ADGRL2: variants seen among roughly 807,000 people sequenced by gnomAD.
The protein encoded by ADGRL2 is calcium-independent alpha-latrotoxin receptor 2.
ADGRL2 carries 44 observed loss-of-function variants against 157.4 expected under a neutral mutation model. The ratio of observed to expected loss-of-function variants is 0.28; its 90% CI spans 0.22 to 0.36. ADGRL2 has a LOEUF of 0.36. ADGRL2 is among the 10% of genes least tolerant of loss of function. The probability of loss-of-function intolerance (pLI) is 1.00; values close to 1 mark genes in which losing one functional copy is unlikely to be tolerated. For synonymous variants in ADGRL2, 585 were observed against 624.7 expected, an observed-to-expected ratio of 0.94 and a Z score of 0.95; for missense variants, 1,510 against 1,768.9, an observed-to-expected ratio of 0.85 and a Z score of 2.63.
At chr1:81,826,008 G>A (rs1465697764) in intron 1 of ADGRL2, among the ~76,000 whole-genome samples, 1 of 152,126 alleles carries the variant, frequency 6.6e-6, no homozygotes, top group African/African-American at 2.4e-5. Flanking sequence ...AGAATCAATA[G>A]AACAGTGAAT....
At chr1:81,890,074 A>G (rs2094221419) in intron 2 of ADGRL2, among the ~76,000 whole-genome samples, 1 of 152,210 alleles carries the variant, frequency 6.6e-6, no homozygotes, top group African/African-American at 2.4e-5. Context: ...TACGAGCACT[A>G]ACTTGTCATC....
chr1:81,704,530 A>G (rs546614003), intron 1 of ADGRL2, among the ~76,000 whole-genome samples: 9 of 152,298 alleles, frequency 5.9e-5, no homozygotes, highest in Non-Finnish European at 8.8e-5. Context: ...AGGAAAAGGA[A>G]CAACACAAAA....
intron 1 of ADGRL2, among the ~76,000 whole-genome samples, chr1:81,412,816 G>C (rs1466035508): frequency 1.3e-5 from 2 of 152,190 alleles, no homozygotes; most frequent in Admixed American, 1.3e-4. Context: ...GGAAACATAT[G>C]AGTCAGTCCA....
At position 81,712,479 on chromosome 1, in the gene ADGRL2, T is replaced by C. The variant is rs187994710; in HGVS notation, c.-143+12671T>C. On this transcript the variant is annotated intron_variant, in intron 1 of 20. Coordinates refer to the ADGRL2 transcript ENST00000359929. ...TGGTGACCTTACAGATATGATTACA[T>C]TTAATTATCAAACAATTTAATGGGT... 5.8e-4 allele frequency among the ~76,000 whole-genome samples: 89 copies of C among 152,330 alleles called. 3 individuals carry two copies. The highest frequency in any genetic ancestry group is 2.0e-3 in the African/African-American group (85 of 41,570).
At chr1:81,439,650 A>G (rs1021064978) in intron 1 of ADGRL2, among the ~76,000 whole-genome samples, 2 of 152,192 alleles carry the variant, frequency 1.3e-5, no homozygotes, top group African/African-American at 2.4e-5. Flanking sequence ...ATGCAGCAGC[A>G]CCCATGTGAG....
At chr1:81,402,520 T>C (rs981818822) in intron 1 of ADGRL2, among the ~76,000 whole-genome samples, 2 of 152,110 alleles carry the variant, frequency 1.3e-5, no homozygotes, top group African/African-American at 4.8e-5. Flanking sequence ...GTTCTAACCA[T>C]AGCCAGCTTG....
At chr1:81,432,065 C>G (rs2077332209) in intron 1 of ADGRL2, among the ~76,000 whole-genome samples, 1 of 152,200 alleles carries the variant, frequency 6.6e-6, no homozygotes, top group Admixed American at 6.5e-5. Flanking sequence ...TAATTTAGTA[C>G]TGACCACACT....
At chr1:81,334,577 T>C (rs572030221) in intron 1 of ADGRL2, among the ~76,000 whole-genome samples, 2 of 152,340 alleles carry the variant, frequency 1.3e-5, no homozygotes, top group African/African-American at 4.8e-5. Flanking sequence ...TAAATACATA[T>C]TTCTTCAAAG....
At chr1:81,583,052 A>G (rs879114814) in intron 3 of ADGRL2, among the ~76,000 whole-genome samples, 1 of 152,202 alleles carries the variant, frequency 6.6e-6, no homozygotes, top group African/African-American at 2.4e-5. Flanking sequence ...ATATTCTGTT[A>G]TACCGTACAC....
intron 2 of ADGRL2, among the ~76,000 whole-genome samples, chr1:81,546,961 A>T (rs943011050): frequency 2.6e-5 from 4 of 152,154 alleles, no homozygotes; most frequent in African/African-American, 9.7e-5. Context: ...TTGTTCACTC[A>T]ATTCTTACAG....
chr1:81,867,325 C>T (rs2093570020), intron 2 of ADGRL2, among the ~76,000 whole-genome samples: 1 of 152,104 alleles, frequency 6.6e-6, no homozygotes, highest in Admixed American at 6.6e-5. Flanking sequence ...TATTGAACCC[C>T]ATGGGAAAAA....
chr1:81,763,130 AT>A (rs1031956778), intron 2 of ADGRL2, among the ~76,000 whole-genome samples: 1 of 151,742 alleles, frequency 6.6e-6, no homozygotes, highest in Non-Finnish European at 1.5e-5. Context: ...TTAATTCTTC[AT>A]TTTTTGCATT....
At chr1:81,390,610 C>T (rs2101118067) in intron 1 of ADGRL2, among the ~76,000 whole-genome samples, 1 of 152,410 alleles carries the variant, frequency 6.6e-6, no homozygotes, top group African/African-American at 2.4e-5. Flanking sequence ...CATATTCTTC[C>T]AGAATTTTTC....
At chr1:81,803,678 T>C (rs907872884) in intron 1 of ADGRL2, among the ~76,000 whole-genome samples, 1 of 152,108 alleles carries the variant, frequency 6.6e-6, no homozygotes, top group Non-Finnish European at 1.5e-5. Flanking sequence ...CCAAGCAGCC[T>C]GGGAGCGTCT....
At chr1:81,914,939 A>G (rs1557902344) in intron 3 of ADGRL2, among the ~76,000 whole-genome samples, 1 of 152,238 alleles carries the variant, frequency 6.6e-6, no homozygotes, top group East Asian at 1.9e-4. Flanking sequence ...AATAAACATG[A>G]AACTTATTAA....
intron 1 of ADGRL2, among the ~76,000 whole-genome samples, chr1:81,308,904 AT>A (rs1340599460): frequency 6.6e-6 from 1 of 152,132 alleles, no homozygotes; most frequent in Non-Finnish European, 1.5e-5. Context: ...GACAAGTTAC[AT>A]TTTACTCCAT....
chr1:81,794,545 A>C (rs904265538), intron 2 of ADGRL2, among the ~76,000 whole-genome samples: 5 of 152,198 alleles, frequency 3.3e-5, no homozygotes, highest in Non-Finnish European at 5.9e-5. Context: ...ATTTTTCCCC[A>C]AATTTTTCAT....
chr1:81,561,076 C>T (rs952501486), intron 2 of ADGRL2, among the ~76,000 whole-genome samples: 1 of 152,146 alleles, frequency 6.6e-6, no homozygotes, highest in Admixed American at 6.6e-5. Context: ...CAGCTTAAGA[C>T]CTACCATTAC....
At chr1:81,914,669 A>G (rs548294592) in intron 3 of ADGRL2, among the ~76,000 whole-genome samples, 18 of 152,300 alleles carry the variant, frequency 1.2e-4, no homozygotes, top group African/African-American at 2.9e-4. Context: ...TGTCTATGCA[A>G]TCTACTTAGG....
Sources: gnomAD v4.1 joint callset for allele counts (sites outside exome capture counted in the v4.1 genomes callset) on GRCh38, gnomAD v4.1.1 for gene constraint, MANE v1.5 for transcripts, NCBI Gene and HGNC (gene_info 2026-07-23, HGNC 2026-07-21) for gene names.